Variants in UCK2 observed in about 807,000 individuals in gnomAD.
UCK2 encodes cytidine monophosphokinase 2.
In UCK2, 6 loss-of-function variants were observed where a neutral mutation model predicts 30.8. That is an observed-to-expected ratio of 0.19 (90% CI 0.11 to 0.38). UCK2 has a LOEUF of 0.38. Ranked by LOEUF, UCK2 falls within the 10% of genes least tolerant of loss-of-function variation. The probability of loss-of-function intolerance (pLI) is 1.00; values close to 1 mark genes in which losing one functional copy is unlikely to be tolerated. For synonymous variants in UCK2, 125 were observed against 133.6 expected (o/e 0.94, Z 0.45); for missense variants, 210 against 339.8 (o/e 0.62, Z 3.00).
At chr1:165,891,523 C>T (rs1423247759) in intron 3 of UCK2, 5 of 561,212 alleles carry the variant, frequency 8.9e-6, no homozygotes, top group South Asian at 2.1e-5. Context: ...TTCATCTGAG[C>T]GCTCCCTGGA....
At chr1:165,850,927 ATTTTTTTTTTTTT>A (rs61491030) in intron 1 of UCK2, among the ~76,000 whole-genome samples, 5 of 109,930 alleles carry the variant, frequency 4.5e-5, no homozygotes, top group African/African-American at 1.4e-4. Flanking sequence ...TGGCCTTTAA[ATTTTTTTTTTTTT>A]TTTTTTTTTT....
At chr1:165,895,897 A>T (rs188335428) in intron 3 of UCK2, 3 of 285,834 alleles carry the variant, frequency 1.0e-5, no homozygotes, top group East Asian at 1.3e-4. Flanking sequence ...TCTTCATTCA[A>T]CAGCAGGTTT....
At chr1:165,887,227 G>T (rs577350086) in intron 1 of UCK2, among the ~76,000 whole-genome samples, 46 of 152,334 alleles carry the variant, frequency 3.0e-4, no homozygotes, top group Non-Finnish European at 5.9e-4. Context: ...TGGAAGGGAA[G>T]GGTCACCAGC....
At chr1:165,881,894 G>T (rs1288994420) in intron 1 of UCK2, among the ~76,000 whole-genome samples, 1 of 152,214 alleles carries the variant, frequency 6.6e-6, no homozygotes, top group Non-Finnish European at 1.5e-5. Flanking sequence ...ACTTGTTTAT[G>T]TTGGTGACTG....
chr1:165,896,035 C>T, intron 3 of UCK2, 155 bp from the exon 4 acceptor site: 2 of 960,008 alleles, frequency 2.1e-6, no homozygotes, highest in Non-Finnish European at 3.1e-6. Flanking sequence ...TCCGAGGGCT[C>T]TGTAAGACCA....
At chr1:165,857,641 A>T (rs971695370) in intron 1 of UCK2, among the ~76,000 whole-genome samples, 1 of 152,180 alleles carries the variant, frequency 6.6e-6, no homozygotes, top group Non-Finnish European at 1.5e-5. Context: ...TTGGAACAGC[A>T]GTGTGTGCTC....
At chr1:165,847,297 C>G (rs1475697093) in intron 1 of UCK2, among the ~76,000 whole-genome samples, 2 of 151,992 alleles carry the variant, frequency 1.3e-5, no homozygotes, top group East Asian at 3.9e-4. Context: ...TTACATAAAA[C>G]AATAAATAAT....
At position 165,888,281 on chromosome 1, in the gene UCK2, G is replaced by GTTCTC. The variant is rs1156796995; in HGVS notation, c.100-1919_100-1918insCTTCT. On this transcript the variant is annotated intron_variant, in intron 1 of 6. Coordinates refer to ENST00000367879, the MANE Select transcript of UCK2 (RefSeq NM_012474.5). The stretch of plus-strand genomic sequence containing the variant: ...ATATGCTGTTTTTCTGTTCTGTTCT[G>GTTCTC]TTCTGTTCTTTTCTCTTTTTTCTTT... Among the ~76,000 whole-genome samples, 5 of 151,942 alleles carry GTTCTC rather than the reference G, an allele frequency of 3.3e-5. No homozygotes were observed. The East Asian group carries it at 9.7e-4, about 29-fold the overall frequency.
intron 1 of UCK2, among the ~76,000 whole-genome samples, chr1:165,864,615 A>G (rs1654999307): frequency 6.6e-6 from 1 of 152,210 alleles, no homozygotes; most frequent in Admixed American, 6.5e-5. Context: ...TATGGAACTT[A>G]CATATATAAG....
chr1:165,871,397 G>A (rs903115436), intron 1 of UCK2, among the ~76,000 whole-genome samples: 18 of 152,276 alleles, frequency 1.2e-4, no homozygotes, highest in African/African-American at 4.3e-4. Flanking sequence ...TGCAGCTGTG[G>A]GCTAGAGGGT....
intron 1 of UCK2, among the ~76,000 whole-genome samples, chr1:165,842,078 T>C (rs1440163280): frequency 6.6e-6 from 1 of 152,248 alleles, no homozygotes; most frequent in African/African-American, 2.4e-5. Flanking sequence ...GTAGATTCTT[T>C]ACCTTGACTT....
intron 3 of UCK2, chr1:165,894,607 A>G (rs1655845868): frequency 6.6e-6 from 1 of 152,122 alleles, no homozygotes; most frequent in African/African-American, 2.4e-5. Flanking sequence ...AGCTTCCCAG[A>G]TGGTTCTGAT....
chr1:165,853,770 CTG>C (rs1054607111), intron 1 of UCK2, among the ~76,000 whole-genome samples: 11 of 152,290 alleles, frequency 7.2e-5, no homozygotes, highest in African/African-American at 2.6e-4. Context: ...ATTCTTATCT[CTG>C]TGCTGTAATT....
chr1:165,908,016 T>C lies in UCK2; in HGVS notation c.*193T>C, dbSNP rs954832846. 2.6e-6 allele frequency: 2 copies of C among 768,242 alleles called. No homozygotes were observed. The highest frequency in any genetic ancestry group is 3.9e-6 in the Non-Finnish European group (2 of 517,804). The allele number at this position is 768,242 out of a possible 1,614,324, so 47.6% of individuals were successfully genotyped here. ...AATGAAACAGAACTTGACCCTGAGC[T>C]TAAATAACAAAACTGTGCCAACTAC... On this transcript the variant is annotated 3_prime_UTR_variant, in exon 7 of 7. Coordinates refer to ENST00000367879, the MANE Select transcript of UCK2 (RefSeq NM_012474.5).
intron 1 of UCK2, among the ~76,000 whole-genome samples, chr1:165,864,717 T>C (rs944348770): frequency 6.6e-6 from 1 of 152,206 alleles, no homozygotes; most frequent in African/African-American, 2.4e-5. Context: ...TCTTACTCTT[T>C]CACTCAGGCT....
chr1:165,868,297 T>C (rs1423230809), intron 1 of UCK2, among the ~76,000 whole-genome samples: 1 of 152,226 alleles, frequency 6.6e-6, no homozygotes, highest in Non-Finnish European at 1.5e-5. Context: ...TAAATGAGCA[T>C]TGACTTCAAT....
At chr1:165,830,196 G>A (rs1654009623) in intron 1 of UCK2, among the ~76,000 whole-genome samples, 1 of 151,846 alleles carries the variant, frequency 6.6e-6, no homozygotes, top group African/African-American at 2.4e-5. Context: ...GTAGAGAAGG[G>A]GTTTTGCCAT....
intron 3 of UCK2, among the ~76,000 whole-genome samples, chr1:165,893,230 G>A (rs888927793): frequency 2.6e-5 from 4 of 152,178 alleles, no homozygotes; most frequent in South Asian, 4.1e-4. Flanking sequence ...TGAAGACCTC[G>A]TGCATCATGA....
intron 1 of UCK2, among the ~76,000 whole-genome samples, chr1:165,829,060 G>A (rs1427667805): frequency 6.6e-6 from 1 of 152,102 alleles, no homozygotes; most frequent in African/African-American, 2.4e-5. Flanking sequence ...CTCGTCAGTA[G>A]CCCCTCCTCC....
Sources: allele counts gnomAD v4.1 joint callset (sites outside exome capture counted in the v4.1 genomes callset), GRCh38; gene constraint gnomAD v4.1.1; transcripts MANE v1.5; gene names NCBI Gene and HGNC (gene_info 2026-07-23, HGNC 2026-07-21).